The following SPAST variants were observed in gnomAD, a reference collection of about 807,000 sequenced individuals.
SPAST encodes spastin.
SPAST carries 30 observed loss-of-function variants against 76.6 expected under a neutral mutation model. The ratio of observed to expected loss-of-function variants is 0.39; its 90% CI spans 0.29 to 0.53. The LOEUF is 0.53. SPAST is among the 20% of genes least tolerant of loss of function. The pLI is 0.68. For missense variants in SPAST, 717 were observed against 770.5 expected (o/e 0.93, Z 0.82); for synonymous variants, 305 against 281.0 (o/e 1.09, Z -0.86).
At chr2:32,113,552 C>T (rs1262733796) in intron 4 of SPAST, among the ~76,000 whole-genome samples, 1 of 141,248 alleles carries the variant, frequency 7.1e-6, no homozygotes, top group African/African-American at 2.6e-5. Context: ...GCTTTATTTG[C>T]TTCATAACTT....
chr2:32,154,540 GA>G lies in SPAST; in HGVS notation c.*47del, dbSNP rs1558347929. 1 of 1,598,760 alleles carries G rather than the reference GA, an allele frequency of 6.3e-7. No individual in the cohort carries two copies. The highest frequency in any genetic ancestry group is 1.7e-5 in the Admixed American group (1 of 59,974). ...CTGCAGAACATTTTACTTAAAAGAG[GA>G]AACACAAGATCTTCAATGAACGTCA... On this transcript the variant is annotated 3_prime_UTR_variant, in exon 17 of 17. Transcript: ENST00000315285.
chr2:32,071,231 T>C (rs1573040466), intron 1 of SPAST, among the ~76,000 whole-genome samples: 1 of 152,332 alleles, frequency 6.6e-6, no homozygotes, highest in East Asian at 1.9e-4. Flanking sequence ...TAGTATGTTA[T>C]ATGAATGAGA....
At chr2:32,115,906 G>A (rs1247236561) in intron 6 of SPAST, 71 bp downstream of exon 6, 1 of 1,221,100 alleles carries the variant, frequency 8.2e-7, no homozygotes, top group Non-Finnish European at 1.2e-6. Context: ...AACATGTCAG[G>A]AGTGAAATAG....
In SPAST at chr2:32,132,050, C is replaced by A. The variant is rs151129894; in HGVS notation, c.1245+3571C>A. Among the ~76,000 whole-genome samples, 20 of 152,258 alleles carry A rather than the reference C, an allele frequency of 1.3e-4. 1 individual carries two copies. In the East Asian group the frequency reaches 3.7e-3, roughly 28 times the overall value. ...AACAACATAGCATTCATGATCTTAA[C>A]CCCCAATTCTGATACTGCCTGAATA... On this transcript the variant is annotated intron_variant, in intron 9 of 16. Transcript: ENST00000315285.
chr2:32,129,915 C>G (rs535794532), intron 9 of SPAST: 2 of 152,680 alleles, frequency 1.3e-5, no homozygotes, highest in Admixed American at 1.3e-4. Context: ...GAGAGGATCT[C>G]TTGAGCCTGA....
rs139303120 is a variant in SPAST at position 32,064,834 on chromosome 2, T to G, written c.415+588T>G. ...AATGAAGTTATATTTAGCATAAAAC[T>G]TTTCCCCCTGTTGCTTTGATTTTAA... On this transcript the variant is annotated intron_variant, in intron 1 of 16. Coordinates refer to ENST00000315285, the MANE Select transcript of SPAST (RefSeq NM_014946.4). 6.5e-3 allele frequency among the ~76,000 whole-genome samples: 983 copies of G among 152,292 alleles called. 14 individuals are homozygous for G. The highest frequency in any genetic ancestry group is 0.023 in the African/African-American group (949 of 41,570).
chr2:32,100,775 A>G (rs1313416273), intron 4 of SPAST, among the ~76,000 whole-genome samples: 1 of 152,114 alleles, frequency 6.6e-6, no homozygotes, highest in Non-Finnish European at 1.5e-5. Flanking sequence ...CCATGTCCCT[A>G]CAAAGGACAT....
chr2:32,096,930 C>T (rs1444332941), intron 3 of SPAST, among the ~76,000 whole-genome samples: 1 of 151,186 alleles, frequency 6.6e-6, no homozygotes, highest in African/African-American at 2.4e-5. Context: ...TTCTAGGATA[C>T]AAAAGCCATG....
intron 7 of SPAST, among the ~76,000 whole-genome samples, chr2:32,124,240 T>C (rs1310318724): frequency 6.6e-6 from 1 of 152,164 alleles, no homozygotes; most frequent in African/African-American, 2.4e-5. Context: ...CCAAGGAAGA[T>C]AGATAGATGA....
rs1680195850 is a variant in SPAST at position 32,154,628 on chromosome 2, A to G, written c.*132A>G. ...TAGAGTCTTACATATTTGTGCACCA[A>G]ACTTGAAGATGAACCAGAAAACAGA... On this transcript the variant is annotated 3_prime_UTR_variant, in exon 17 of 17. Transcript: ENST00000315285. The G allele has an allele frequency of 4.5e-6, 4 of 891,380 alleles. No individual in the cohort carries two copies. The highest frequency in any genetic ancestry group is 1.7e-5 in the African/African-American group (1 of 59,516). The allele number at this position is 891,380 out of a possible 1,614,324, so 55.2% of individuals were successfully genotyped here.
At chr2:32,074,395 T>A (rs1184882618) in intron 1 of SPAST, among the ~76,000 whole-genome samples, 1 of 152,204 alleles carries the variant, frequency 6.6e-6, no homozygotes, top group Non-Finnish European at 1.5e-5. Context: ...CAGAGTGGCA[T>A]TATTTCATGC....
chr2:32,147,348 T>A (rs945430109), intron 16 of SPAST, 90 bp downstream of exon 16: 1 of 423,224 alleles, frequency 2.4e-6, no homozygotes, highest in African/African-American at 2.3e-5. Context: ...GTGTGTGGTT[T>A]TTTTTTTTTT....
intron 4 of SPAST, among the ~76,000 whole-genome samples, chr2:32,099,441 TA>T (rs1391547802): frequency 2.0e-5 from 3 of 152,168 alleles, no homozygotes; most frequent in Admixed American, 1.3e-4. Context: ...TACAGAAGAT[TA>T]AATGTCTTTC....
chr2:32,128,831 C>G (rs1346311396), intron 9 of SPAST: 1 of 306,464 alleles, frequency 3.3e-6, no homozygotes, highest in African/African-American at 2.2e-5. Context: ...TGTTGTGTGC[C>G]TCTCTCCTGG....
chr2:32,064,073 G>C lies in SPAST; in HGVS notation c.242G>C (p.Arg81Pro). The C allele has an allele frequency of 6.2e-7, 1 of 1,612,526 alleles. No individual in the cohort carries two copies. The highest frequency in any genetic ancestry group is 8.5e-7 in the Non-Finnish European group (1 of 1,179,282). The change falls in exon 1 of 17, where the codon CGC becomes CCC. Residue 81 changes from arginine (R) to proline (P), a missense_variant. Arg to Pro is a moderately radical substitution (Grantham distance 103, BLOSUM62 -2). Transcript: ENST00000315285. Reference sequence around the variant, plus strand: ...CTCCTCTTCGTGTGGCTCTGCCAGCGCTTCTCCCGCGCCCTCATGGCAGCC... The same window carrying C: ...CTCCTCTTCGTGTGGCTCTGCCAGCCCTTCTCCCGCGCCCTCATGGCAGCC... ...LGLLFVWLCQ[R>P]FSRALMAAKR...
At chr2:32,126,678 A>T in intron 7 of SPAST, 1 of 268,856 alleles carries the variant, frequency 3.7e-6, no homozygotes, top group East Asian at 7.1e-5. Context: ...GTAGAAGCAG[A>T]GTTCCCCTAT....
intron 9 of SPAST, among the ~76,000 whole-genome samples, chr2:32,134,503 T>C (rs1679471613): frequency 6.6e-6 from 1 of 150,736 alleles, no homozygotes; most frequent in African/African-American, 2.4e-5. Context: ...AAGGTGTCAC[T>C]GTGTTGCCAG....
intron 3 of SPAST, among the ~76,000 whole-genome samples, chr2:32,092,324 G>T (rs1677754894): frequency 1.3e-5 from 2 of 152,016 alleles, no homozygotes; most frequent in Admixed American, 6.6e-5. Context: ...AATAATTGAT[G>T]GTTCTAATTG....
At chr2:32,093,454 C>G (rs1462375793) in intron 3 of SPAST, among the ~76,000 whole-genome samples, 1 of 152,146 alleles carries the variant, frequency 6.6e-6, no homozygotes, top group African/African-American at 2.4e-5. Context: ...TGCACTCTAG[C>G]CTGGATGACA....
Sources: gnomAD v4.1 joint callset for allele counts (sites outside exome capture counted in the v4.1 genomes callset) on GRCh38, gnomAD v4.1.1 for gene constraint, MANE v1.5 for transcripts, NCBI Gene and HGNC (gene_info 2026-07-23, HGNC 2026-07-21) for gene names.